CCDC7: variants seen among roughly 807,000 people sequenced by gnomAD.
CCDC7 encodes the protein coiled-coil domain containing 7.
Under a neutral mutation model 196.9 loss-of-function variants are expected in CCDC7, and 183 were observed. The ratio of observed to expected loss-of-function variants is 0.93; its 90% CI spans 0.82 to 1.05. CCDC7 has a LOEUF of 1.05. Ranked by LOEUF, CCDC7 falls within the 50% of genes least tolerant of loss-of-function variation. CCDC7 has a pLI of 0.00. For synonymous variants in CCDC7, 525 were observed against 484.6 expected (o/e 1.08, Z -1.10); for missense variants, 1,540 against 1,482.2 (o/e 1.04, Z -0.64).
At chr10:32,871,085 G>T (rs925403009) in intron 41 of CCDC7, among the ~76,000 whole-genome samples, 1 of 152,146 alleles carries the variant, frequency 6.6e-6, no homozygotes, top group Non-Finnish European at 1.5e-5. Flanking sequence ...TCTCTGCCAG[G>T]CTTTGGTATC....
At chr10:32,477,644 G>C (rs973808961) in intron 8 of CCDC7, among the ~76,000 whole-genome samples, 2 of 148,686 alleles carry the variant, frequency 1.3e-5, no homozygotes, top group African/African-American at 4.9e-5. Flanking sequence ...TTGTTCCTTT[G>C]CCAAAGATCA....
chr10:32,722,140 G>A (rs1311822335), intron 25 of CCDC7, among the ~76,000 whole-genome samples: 2 of 152,016 alleles, frequency 1.3e-5, no homozygotes, highest in African/African-American at 4.8e-5. Flanking sequence ...TTTTTTGGTA[G>A]ACAATAGCAT....
chr10:32,637,338 T>C (rs888313933), intron 20 of CCDC7, among the ~76,000 whole-genome samples: 2 of 152,218 alleles, frequency 1.3e-5, no homozygotes, highest in African/African-American at 4.8e-5. Context: ...GCCTAGGTTT[T>C]CTTCTAGGGT....
chr10:32,704,136 C>A (rs558425385), intron 24 of CCDC7, among the ~76,000 whole-genome samples: 2 of 152,196 alleles, frequency 1.3e-5, no homozygotes, highest in South Asian at 4.1e-4. Flanking sequence ...TTTTCCCCAT[C>A]TTTGTTATCT....
At chr10:32,568,780 G>A (rs939186132) in intron 15 of CCDC7, among the ~76,000 whole-genome samples, 1 of 152,114 alleles carries the variant, frequency 6.6e-6, no homozygotes. Context: ...CTAGCTATTA[G>A]CACCTCCATT....
At chr10:32,574,171 C>T (rs1230934446) in intron 16 of CCDC7, among the ~76,000 whole-genome samples, 2 of 151,808 alleles carry the variant, frequency 1.3e-5, no homozygotes, top group African/African-American at 4.8e-5. Flanking sequence ...ATACAGTGTG[C>T]TCAGGAAGAG....
rs6143863 is a variant in CCDC7, at chr10:32,582,106, C to CTATATATATATATATATATA, written c.1455-913_1455-894dup. Reference sequence around the variant, plus strand: ...TCTATGTTTTTTTAAACTGTCAGCACTATATATATATATATATATATATAT... The same window carrying CTATATATATATATATATATA: ...TCTATGTTTTTTTAAACTGTCAGCACTATATATATATATATATATATATATATATATATATATATATATAT... On this transcript the variant is annotated intron_variant, in intron 16 of 41. Coordinates refer to ENST00000639629, the Ensembl canonical transcript of CCDC7. Among the ~76,000 whole-genome samples the CTATATATATATATATATATA allele has an allele frequency of 1.7e-3, 179 of 103,666 alleles. 3 individuals are homozygous for CTATATATATATATATATATA. The highest frequency in any genetic ancestry group is 1.9e-3 in the Non-Finnish European group (89 of 45,656). The allele number at this position is 103,666 out of a possible 152,430, so 68.0% of individuals were successfully genotyped here.
chr10:32,531,636 A>G (rs2049680198), intron 11 of CCDC7, among the ~76,000 whole-genome samples: 1 of 152,108 alleles, frequency 6.6e-6, no homozygotes, highest in South Asian at 2.1e-4. Flanking sequence ...TTGGTATTAG[A>G]TCTTTAAATG....
chr10:32,559,451 G>A (rs1339730244), intron 13 of CCDC7, among the ~76,000 whole-genome samples: 1 of 152,174 alleles, frequency 6.6e-6, no homozygotes, highest in Non-Finnish European at 1.5e-5. Context: ...CACCTCACAC[G>A]GCCGGGTACT....
chr10:32,805,213 C>T, intron 30 of CCDC7, 115 bp downstream of exon 31: 1 of 690,090 alleles, frequency 1.4e-6, no homozygotes, highest in East Asian at 2.6e-5. Flanking sequence ...GGCACAGGTT[C>T]TCATGAATAC....
chr10:32,819,167 T>A (rs1276324410), intron 31 of CCDC7, among the ~76,000 whole-genome samples: 2 of 152,020 alleles, frequency 1.3e-5, no homozygotes, highest in African/African-American at 4.8e-5. Context: ...GAAACTACCA[T>A]CAGAGAATAC....
intron 21 of CCDC7, 145 bp downstream of exon 22, chr10:32,664,306 A>G: frequency 2.8e-6 from 1 of 357,554 alleles, no homozygotes; most frequent in African/African-American, 2.1e-5. Flanking sequence ...TTAAATATAA[A>G]TTGTGGAAAA....
At chr10:32,608,419 T>C (rs1211303772) in intron 18 of CCDC7, among the ~76,000 whole-genome samples, 2 of 152,208 alleles carry the variant, frequency 1.3e-5, no homozygotes, top group Non-Finnish European at 2.9e-5. Flanking sequence ...TTTTGCTTTT[T>C]TGATGTAGGC....
chr10:32,631,685 A>C (rs1590839127), intron 18 of CCDC7, among the ~76,000 whole-genome samples: 2 of 146,460 alleles, frequency 1.4e-5, no homozygotes, highest in East Asian at 2.0e-4. Context: ...AAAAAAAAAA[A>C]CACTAATTGG....
At chr10:32,790,364 G>A (rs1180503840) in intron 29 of CCDC7, among the ~76,000 whole-genome samples, 4 of 152,168 alleles carry the variant, frequency 2.6e-5, no homozygotes, top group Non-Finnish European at 5.9e-5. Context: ...GCATGCCTGC[G>A]GAACTAACAC....
chr10:32,824,635 T>C (rs760877294), intron 32 of CCDC7, 31 bp downstream of exon 33: 40 of 1,434,554 alleles, frequency 2.8e-5, no homozygotes, highest in Admixed American at 2.3e-4. Flanking sequence ...AATCTACTTA[T>C]GGTTTCCTAT....
At chr10:32,548,087 T>G (rs150113355) in intron 13 of CCDC7, among the ~76,000 whole-genome samples, 1 of 152,326 alleles carries the variant, frequency 6.6e-6, no homozygotes, top group African/African-American at 2.4e-5. Context: ...ATAAATTTAA[T>G]TTTCTCAGCA....
intron 13 of CCDC7, among the ~76,000 whole-genome samples, chr10:32,551,078 C>G (rs905751759): frequency 6.6e-6 from 1 of 152,046 alleles, no homozygotes; most frequent in Non-Finnish European, 1.5e-5. Flanking sequence ...AACCTCACTG[C>G]TTGTTATTGG....
chr10:32,472,671 T>C, intron 7 of CCDC7, 129 bp downstream of exon 8: 1 of 791,274 alleles, frequency 1.3e-6, no homozygotes, highest in Admixed American at 3.9e-5. Flanking sequence ...TATCGCTCAC[T>C]GCAGCCTCAA....
Sources: allele counts gnomAD v4.1 joint callset (sites outside exome capture counted in the v4.1 genomes callset), GRCh38; gene constraint gnomAD v4.1.1; transcripts MANE v1.5; gene names NCBI Gene and HGNC (gene_info 2026-07-23, HGNC 2026-07-21).